The following USP54 variants were observed in gnomAD, a reference collection of about 807,000 sequenced individuals.
The protein encoded by USP54 is ubiquitin specific peptidase 54, also known as ubiquitin carboxyl-terminal hydrolase 54.
USP54 carries 87 observed loss-of-function variants against 170.5 expected under a neutral mutation model. The ratio of observed to expected loss-of-function variants is 0.51; its 90% CI spans 0.43 to 0.61. The LOEUF (loss-of-function observed/expected upper bound fraction) is 0.61. Among genes scored for constraint, USP54 ranks in the 20% least tolerant of loss-of-function variants. The pLI, the probability that USP54 is intolerant of heterozygous loss-of-function variation, is 0.00. For synonymous variants in USP54, 655 were observed against 742.8 expected (o/e 0.88, Z 1.92); for missense variants, 1,786 against 2,047.8 (o/e 0.87, Z 2.47).
At chr10:73,511,665 A>G (rs1171802750) in intron 20 of USP54, among the ~76,000 whole-genome samples, 2 of 152,146 alleles carry the variant, frequency 1.3e-5, no homozygotes, top group African/African-American at 4.8e-5. Flanking sequence ...GTCTCAAAAA[A>G]TAAATAAATT....
intron 1 of USP54, among the ~76,000 whole-genome samples, chr10:73,618,083 T>C (rs1473374515): frequency 6.7e-6 from 1 of 149,136 alleles, no homozygotes; most frequent in Non-Finnish European, 1.5e-5. Context: ...TGGTGGCAGG[T>C]GCCTGTAATC....
chr10:73,603,437 A>G (rs58081713), intron 1 of USP54, among the ~76,000 whole-genome samples: 18,293 of 152,196 alleles, frequency 0.12, 1,530 homozygotes, highest in East Asian at 0.33. Context: ...ACCTCCTGCC[A>G]TGTGCAGTGG....
chr10:73,571,236 G>A (rs2075143229), intron 4 of USP54, among the ~76,000 whole-genome samples, 185 bp downstream of exon 4: 1 of 149,866 alleles, frequency 6.7e-6, no homozygotes, highest in Non-Finnish European at 1.5e-5. Flanking sequence ...CAGTAAAAGA[G>A]ACTACCCAAG....
Position 73,519,952 on chromosome 10 carries a change from C to A in USP54, c.2523G>T (p.Thr841=), listed in dbSNP as rs369618128. 3 of 1,612,608 alleles carry A rather than the reference C, an allele frequency of 1.9e-6. No individual in the cohort carries two copies. The highest frequency in any genetic ancestry group is 3.3e-4 in the Middle Eastern group (2 of 6,058). ...RLALHGASCS[T]HSRALVDKKL... is the part of the protein sequence containing the mutation. ...TCTTATCGACTAGGGCTCTGCTGTGCGTGCTACAGCTGGCACCATGCAGGG... is the reference window on the plus strand; with the variant it reads ...TCTTATCGACTAGGGCTCTGCTGTGAGTGCTACAGCTGGCACCATGCAGGG... The change falls in exon 19 of 24, where the codon ACG becomes ACT. Residue 841 remains threonine, a synonymous_variant. Coordinates refer to ENST00000687698, the MANE Select transcript of USP54 (RefSeq NM_001391956.1).
intron 19 of USP54, 146 bp downstream of exon 19, chr10:73,519,651 G>A: frequency 1.6e-6 from 2 of 1,260,906 alleles, no homozygotes; most frequent in Non-Finnish European, 2.2e-6. Flanking sequence ...GCTTTTCACT[G>A]TATGTCTGAC....
At chr10:73,513,837 T>C (rs1461985491) in intron 20 of USP54, among the ~76,000 whole-genome samples, 1 of 152,062 alleles carries the variant, frequency 6.6e-6, no homozygotes, top group East Asian at 1.9e-4. Context: ...GGTTTTGAGA[T>C]AGAGTCTTGG....
chr10:73,564,872 T>C (rs1054495708), intron 4 of USP54, among the ~76,000 whole-genome samples: 3 of 137,602 alleles, frequency 2.2e-5, no homozygotes, highest in Non-Finnish European at 4.5e-5. Flanking sequence ...AGACCAGCCT[T>C]GGGTAACATA....
intron 1 of USP54, among the ~76,000 whole-genome samples, chr10:73,582,482 C>G (rs1439825192): frequency 6.6e-6 from 1 of 151,938 alleles, no homozygotes; most frequent in Non-Finnish European, 1.5e-5. Flanking sequence ...ACCTCCACCT[C>G]CCGGGTTCAA....
At chr10:73,601,545 T>C (rs10509345) in intron 1 of USP54, among the ~76,000 whole-genome samples, 5,351 of 151,608 alleles carry the variant, frequency 0.035, 153 homozygotes, top group South Asian at 0.11. Flanking sequence ...GTGCCTGAAG[T>C]GTCAATCATT....
rs1482785803 is a variant in USP54, at chr10:73,530,175, T to A, written c.1796A>T (p.Tyr599Phe). 6.2e-7 allele frequency: 1 copy of A among 1,613,640 alleles called. No homozygotes were observed. The highest frequency in any genetic ancestry group is 8.5e-7 in the Non-Finnish European group (1 of 1,179,988). ...FSKDKRKHCG[Y>F]TQLSPFSEDS... ...CTCAGAAAAGGGGCTAAGCTGGGTA[T>A]AGCCACAGTGCTTCCTTTTGTCCTT... is the stretch of plus-strand genomic sequence containing the variant. Residue 599 changes from tyrosine to phenylalanine, a missense_variant, in exon 14 of 24, where the codon TAT (tyrosine) becomes TTT (phenylalanine). Physicochemically the swap from Tyr to Phe is conservative, Grantham distance 22. This residue lies in a region of USP54 where 1,418 missense variants were observed against 1,569.0 expected (regional missense o/e 0.90). Transcript: ENST00000687698.
chr10:73,607,314 T>A (rs2079732682), intron 1 of USP54, among the ~76,000 whole-genome samples: 2 of 123,690 alleles, frequency 1.6e-5, no homozygotes, highest in Non-Finnish European at 1.6e-5. Context: ...ATTCCTAGAG[T>A]TTGCTTAAAA....
intron 1 of USP54, among the ~76,000 whole-genome samples, chr10:73,597,208 CAA>C (rs1438714569): frequency 1.3e-5 from 2 of 152,144 alleles, no homozygotes; most frequent in Non-Finnish European, 2.9e-5. Context: ...AACTTTGAAA[CAA>C]AGACAAAAAC....
At chr10:73,583,652 G>A (rs1450988263) in intron 1 of USP54, among the ~76,000 whole-genome samples, 3 of 152,122 alleles carry the variant, frequency 2.0e-5, no homozygotes, top group East Asian at 1.9e-4. Context: ...AGAAGGGTGA[G>A]GCAGGAGGAC....
At chr10:73,549,883 G>A (rs2068815807) in intron 4 of USP54, among the ~76,000 whole-genome samples, 1 of 152,150 alleles carries the variant, frequency 6.6e-6, no homozygotes, top group Non-Finnish European at 1.5e-5. Context: ...AAGCCAAACT[G>A]CTAAGTCCTT....
Position 73,521,015 on chromosome 10 carries a change from C to A in USP54, c.2375G>T (p.Gly792Val), listed in dbSNP as rs781167093. ...TGCCTCTTGCAGGGACCTCTCAAAGCCGTCACTCCTCCCTGAAAGGGCCAG... is the reference window on the plus strand; with the variant it reads ...TGCCTCTTGCAGGGACCTCTCAAAGACGTCACTCCTCCCTGAAAGGGCCAG... The part of the protein sequence containing the change: ...DELQNQGRSD[G>V]FERSLQEAES... Residue 792 changes from glycine to valine, a missense_variant, in exon 18 of 24, where the codon GGC (glycine) becomes GTC (valine). This residue lies in a region of USP54 where 1,418 missense variants were observed against 1,569.0 expected (regional missense o/e 0.90). Transcript: ENST00000687698. The A allele has an allele frequency of 6.2e-7, 1 of 1,613,980 alleles. No individual in the cohort carries two copies. The highest frequency in any genetic ancestry group is 8.5e-7 in the Non-Finnish European group (1 of 1,180,040).
intron 1 of USP54, among the ~76,000 whole-genome samples, chr10:73,621,553 T>C (rs1359630221): frequency 6.7e-6 from 1 of 149,832 alleles, no homozygotes; most frequent in Non-Finnish European, 1.5e-5. Context: ...TGAGCCAAGA[T>C]TGCGCCACTG....
chr10:73,511,650 ACT>A (rs1245393074), intron 20 of USP54, among the ~76,000 whole-genome samples: 4 of 151,760 alleles, frequency 2.6e-5, no homozygotes, highest in African/African-American at 9.7e-5. Flanking sequence ...ACAGAGCGAG[ACT>A]CTGTCTCAAA....
At chr10:73,521,878 GA>G (rs1296132399) in intron 17 of USP54, among the ~76,000 whole-genome samples, 1 of 152,172 alleles carries the variant, frequency 6.6e-6, no homozygotes, top group Non-Finnish European at 1.5e-5. Flanking sequence ...AGTACAGGCA[GA>G]AAAATTTTTG....
At chr10:73,541,350 A>G in intron 9 of USP54, 25 bp downstream of exon 9, 1 of 1,613,528 alleles carries the variant, frequency 6.2e-7, no homozygotes, top group Non-Finnish European at 8.5e-7. Context: ...ACTCAAAGTG[A>G]GAGATAAAGG....
Sources: allele counts gnomAD v4.1 joint callset (sites outside exome capture counted in the v4.1 genomes callset), GRCh38; gene constraint gnomAD v4.1.1; regional missense constraint gnomAD v4.1.1; transcripts MANE v1.5; gene names NCBI Gene and HGNC (gene_info 2026-07-23, HGNC 2026-07-21).